Variants in PLCB1 observed in about 807,000 individuals in gnomAD.
PLCB1 encodes the protein 1-phosphatidylinositol 4,5-bisphosphate phosphodiesterase beta-1.
PLCB1 carries 46 observed loss-of-function variants against 161.8 expected under a neutral mutation model. The observed-to-expected ratio is 0.28, with a 90% CI of 0.22 to 0.36. The LOEUF is 0.36. PLCB1 is among the 10% of genes least tolerant of loss of function. The pLI is 1.00. For synonymous variants in PLCB1, 517 were observed against 503.7 expected, an observed-to-expected ratio of 1.03 and a Z score of -0.35; for missense variants, 1,016 against 1,472.5, an observed-to-expected ratio of 0.69 and a Z score of 5.07.
chr20:8,871,218 C>A (rs1270271997), intron 31 of PLCB1, among the ~76,000 whole-genome samples: 5 of 152,098 alleles, frequency 3.3e-5, no homozygotes, highest in African/African-American at 1.2e-4. Flanking sequence ...TATATTAGAG[C>A]AGATTCAAAG....
intron 2 of PLCB1, among the ~76,000 whole-genome samples, chr20:8,272,050 GC>G (rs1982311905): frequency 6.6e-6 from 1 of 152,010 alleles, no homozygotes; most frequent in African/African-American, 2.4e-5. Context: ...CATCACTTAG[GC>G]GTCTAATGGC....
At chr20:8,293,238 T>G (rs1283506790) in intron 2 of PLCB1, among the ~76,000 whole-genome samples, 1 of 152,154 alleles carries the variant, frequency 6.6e-6, no homozygotes, top group East Asian at 1.9e-4. Flanking sequence ...TTTACCTTGA[T>G]AGACCCACTT....
chr20:8,611,530 G>A (rs1987903361), intron 3 of PLCB1, among the ~76,000 whole-genome samples: 1 of 151,960 alleles, frequency 6.6e-6, no homozygotes, highest in African/African-American at 2.4e-5. Flanking sequence ...ATAATAAAAA[G>A]GTCCTTTCAG....
chr20:8,798,323 T>C (rs1984125958), intron 31 of PLCB1, among the ~76,000 whole-genome samples: 3 of 152,164 alleles, frequency 2.0e-5, no homozygotes, highest in Non-Finnish European at 4.4e-5. Flanking sequence ...TCTGAAATAT[T>C]TGAATTAGTT....
chr20:8,703,915 G>C (rs1978512643), intron 11 of PLCB1, among the ~76,000 whole-genome samples: 1 of 152,214 alleles, frequency 6.6e-6, no homozygotes, highest in African/African-American at 2.4e-5. Context: ...CTAAATTAGA[G>C]GAGGGGAGGA....
At chr20:8,824,538 T>C (rs1600358519) in intron 31 of PLCB1, among the ~76,000 whole-genome samples, 1 of 151,912 alleles carries the variant, frequency 6.6e-6, no homozygotes, top group Non-Finnish European at 1.5e-5. Flanking sequence ...GAGTGTGTGA[T>C]AGAAACTGCA....
At chr20:8,200,637 T>G (rs912158565) in intron 2 of PLCB1, among the ~76,000 whole-genome samples, 2 of 151,996 alleles carry the variant, frequency 1.3e-5, no homozygotes, top group Non-Finnish European at 2.9e-5. Flanking sequence ...ATTTTAATAG[T>G]TTTTTTCTGA....
At chr20:8,267,046 A>G (rs1375676940) in intron 2 of PLCB1, among the ~76,000 whole-genome samples, 1 of 151,688 alleles carries the variant, frequency 6.6e-6, no homozygotes, top group African/African-American at 2.4e-5. Context: ...TAAAAAAAAA[A>G]AAAGGGAAAA....
intron 2 of PLCB1, among the ~76,000 whole-genome samples, chr20:8,176,108 T>C (rs1427207024): frequency 6.6e-6 from 1 of 152,230 alleles, no homozygotes; most frequent in African/African-American, 2.4e-5. Context: ...AACATGTAGT[T>C]ACTATATGAT....
intron 3 of PLCB1, among the ~76,000 whole-genome samples, chr20:8,385,754 G>A (rs182342690): frequency 8.8e-4 from 134 of 152,334 alleles, no homozygotes; most frequent in Admixed American, 1.6e-3. Flanking sequence ...TTGGCTGGGG[G>A]GTGAGGGCTC....
Position 8,468,414 on chromosome 20 carries a change from T to C in PLCB1, c.246+96964T>C, listed in dbSNP as rs564918551. Among the ~76,000 whole-genome samples, 5 of 152,300 alleles carry C rather than the reference T, an allele frequency of 3.3e-5. No homozygotes were observed. The East Asian group carries it at 9.6e-4, about 29-fold the overall frequency. On this transcript the variant is annotated intron_variant, in intron 3 of 31. Transcript: ENST00000338037. Reference sequence around the variant, plus strand: ...GGACTCTGGAGTCTTGGATATATAATCAGTTGATTACAATCAACATCTGAA... The same window carrying C: ...GGACTCTGGAGTCTTGGATATATAACCAGTTGATTACAATCAACATCTGAA...
chr20:8,861,685 G>A (rs35268864), intron 31 of PLCB1, among the ~76,000 whole-genome samples: 22,673 of 145,804 alleles, frequency 0.16, 1,808 homozygotes, highest in South Asian at 0.22. Context: ...AGGTGAGATC[G>A]TGCCACTGCA....
At chr20:8,814,255 G>A (rs2146256187) in intron 31 of PLCB1, among the ~76,000 whole-genome samples, 1 of 152,192 alleles carries the variant, frequency 6.6e-6, no homozygotes, top group South Asian at 2.1e-4. Flanking sequence ...GTTTGTCGAT[G>A]GCATTATGCT....
chr20:8,329,265 A>AG (rs575938208), intron 2 of PLCB1, among the ~76,000 whole-genome samples: 214 of 152,232 alleles, frequency 1.4e-3, no homozygotes, highest in African/African-American at 5.0e-3. Context: ...TCTCTCAACT[A>AG]GAACTGCCAG....
At position 8,884,218 on chromosome 20, in the gene PLCB1, T is replaced by A. The variant is rs1414575564; in HGVS notation, c.*2369T>A. On this transcript the variant is annotated 3_prime_UTR_variant, in exon 32 of 32. Transcript: ENST00000338037. ...GTGTAACACTGTCCATCTTGCATCATTGAAACTACTACAATGATACTATCA... is the reference window on the plus strand; with the variant it reads ...GTGTAACACTGTCCATCTTGCATCAATGAAACTACTACAATGATACTATCA... The A allele has an allele frequency of 6.6e-6, 1 of 152,628 alleles. No homozygotes were observed. Among genetic ancestry groups the A allele is most frequent in the Non-Finnish European group, 1.5e-5 (1 of 68,016 alleles). 9.5% of individuals were successfully genotyped at this position (152,628 alleles called of 1,614,324 possible).
intron 23 of PLCB1, 44 bp downstream of exon 23, chr20:8,741,617 A>G (rs2123521710): frequency 4.8e-6 from 6 of 1,260,996 alleles, no homozygotes; most frequent in African/African-American, 1.5e-5. Context: ...AAGCATGATC[A>G]CCACACCTAC....
rs982703511 is a variant in PLCB1 at position 8,711,730 on chromosome 20, C to T, written c.1250+2978C>T. Reference sequence around the variant, plus strand: ...AAAGAAAACCGATAAGCTTTCCCTTCGCTGGTAAAACCCCGTGCTTGACTT... The same window carrying T: ...AAAGAAAACCGATAAGCTTTCCCTTTGCTGGTAAAACCCCGTGCTTGACTT... On this transcript the variant is annotated intron_variant, in intron 12 of 31. Coordinates refer to ENST00000338037, the MANE Select transcript of PLCB1 (RefSeq NM_015192.4). 3.3e-5 allele frequency among the ~76,000 whole-genome samples: 5 copies of T among 152,256 alleles called. No homozygotes were observed. In the East Asian group the frequency reaches 5.8e-4, roughly 18 times the overall value.
At position 8,737,881 on chromosome 20, in the gene PLCB1, A is replaced by G. The variant is rs142203758; in HGVS notation, c.2208+689A>G. On this transcript the variant is annotated intron_variant, in intron 20 of 31. Transcript: ENST00000338037. ...TTTCCATATGTTAACTGAGTTTAAT[A>G]ATAATGCTTACTATACTGTTTACTT... Among the ~76,000 whole-genome samples the G allele has an allele frequency of 1.5e-3, 222 of 152,370 alleles. 1 individual carries two copies. The highest frequency in any genetic ancestry group is 5.1e-3 in the African/African-American group (214 of 41,586).
intron 3 of PLCB1, among the ~76,000 whole-genome samples, chr20:8,587,318 T>C (rs555033321): frequency 6.6e-6 from 1 of 152,250 alleles, no homozygotes; most frequent in South Asian, 2.1e-4. Flanking sequence ...AAAACAATTA[T>C]CAGATCATGT....
Sources: allele counts gnomAD v4.1 joint callset (sites outside exome capture counted in the v4.1 genomes callset), GRCh38; gene constraint gnomAD v4.1.1; transcripts MANE v1.5; gene names NCBI Gene and HGNC (gene_info 2026-07-23, HGNC 2026-07-21).